Variants in SEZ6 observed in about 807,000 individuals in gnomAD.
The protein encoded by SEZ6 is seizure protein 6 homolog.
Under a neutral mutation model 101.0 loss-of-function variants are expected in SEZ6, and 53 were observed. The ratio of observed to expected loss-of-function variants is 0.52; its 90% CI spans 0.42 to 0.66. The LOEUF (loss-of-function observed/expected upper bound fraction) is 0.66. Ranked by LOEUF, SEZ6 falls within the 30% of genes least tolerant of loss-of-function variation. SEZ6 has a pLI of 0.00. For missense variants in SEZ6, 1,102 were observed against 1,289.4 expected, an observed-to-expected ratio of 0.85 and a Z score of 2.23; for synonymous variants, 488 against 512.2, an observed-to-expected ratio of 0.95 and a Z score of 0.64.
intron 10 of SEZ6, 118 bp from the exon 11 acceptor site, chr17:28,958,259 G>C: frequency 1.6e-6 from 2 of 1,212,266 alleles, no homozygotes; most frequent in Non-Finnish European, 2.3e-6. Flanking sequence ...TGTCCTGGGC[G>C]GGCTCAGGGA....
intron 3 of SEZ6, among the ~76,000 whole-genome samples, chr17:28,977,176 G>A (rs1000750046): frequency 1.3e-5 from 2 of 152,228 alleles, no homozygotes; most frequent in Non-Finnish European, 2.9e-5. Flanking sequence ...GTATTGTTGG[G>A]TAGTGTCAGA....
At chr17:28,988,787 G>A (rs1352888281) in intron 1 of SEZ6, among the ~76,000 whole-genome samples, 1 of 152,222 alleles carries the variant, frequency 6.6e-6, no homozygotes, top group Non-Finnish European at 1.5e-5. Context: ...ATGAGCCCTT[G>A]TAGCATCTCA....
intron 1 of SEZ6, among the ~76,000 whole-genome samples, chr17:28,989,228 G>T (rs771190584): frequency 6.6e-6 from 1 of 152,136 alleles, no homozygotes; most frequent in Admixed American, 6.5e-5. Context: ...CACATTCCAG[G>T]ATCTAGTGAA....
In SEZ6 at chr17:28,956,167, C is replaced by A. The variant is rs370146375; in HGVS notation, c.2944G>T (p.Glu982Ter). 4 of 1,589,678 alleles carry A rather than the reference C, an allele frequency of 2.5e-6. No homozygotes were observed. The highest frequency in any genetic ancestry group is 1.8e-5 in the Admixed American group (1 of 54,974). Residue 982 changes from glutamate to a stop codon, truncating the protein, a stop_gained, in exon 16 of 17, where the codon GAG becomes TAG. Coordinates refer to ENST00000317338, the MANE Select transcript of SEZ6 (RefSeq NM_178860.5). LOFTEE classifies it high-confidence loss of function. Reference sequence around the variant, plus strand: ...CTGGCATGGTTACTTACTCCAGTCTCGTAAGTTGGATTGTCAAACGCTGAC... The same window carrying A: ...CTGGCATGGTTACTTACTCCAGTCTAGTAAGTTGGATTGTCAAACGCTGAC... ...IESAFDNPTY[E>*]TGSLSFAGDE...
Position 28,956,166 on chromosome 17 carries a change from TCG to T in SEZ6, c.2943_2944del (p.Tyr981Ter). 6.7e-7 allele frequency: 1 copy of T among 1,488,122 alleles called. No homozygotes were observed. Among genetic ancestry groups the T allele is most frequent in the Non-Finnish European group, 9.1e-7 (1 of 1,104,672 alleles). 92.2% of individuals were successfully genotyped at this position (1,488,122 alleles called of 1,614,324 possible). ...GCTGGCATGGTTACTTACTCCAGTC[TCG>T]TAAGTTGGATTGTCAAACGCTGACT... is the stretch of plus-strand genomic sequence containing the variant. On this transcript the variant is annotated stop_gained and frameshift_variant, in exon 16 of 17. Transcript: ENST00000317338. LOFTEE classifies it high-confidence loss of function.
At chr17:28,996,968 G>A (rs771756751) in intron 1 of SEZ6, among the ~76,000 whole-genome samples, 16 of 152,180 alleles carry the variant, frequency 1.1e-4, no homozygotes, top group Admixed American at 7.2e-4. Context: ...AAGGGTCACC[G>A]GAGGCAGCAT....
At chr17:28,961,488 T>C (rs1243719653) in intron 5 of SEZ6, among the ~76,000 whole-genome samples, 1 of 152,006 alleles carries the variant, frequency 6.6e-6, no homozygotes, top group African/African-American at 2.4e-5. Context: ...GTGTTCAGCG[T>C]TGGTTGAATA....
rs1369162549 is a variant in SEZ6, at chr17:28,954,930, T to TC, written c.*1031dup. ...TTTTTTTTTTTTTTTTTTTTTTTTT[T>TC]CCAAAAACACCATTTTAATAAGGAA... On this transcript the variant is annotated 3_prime_UTR_variant, in exon 17 of 17. Transcript: ENST00000317338. The TC allele has an allele frequency of 8.3e-4, 106 of 127,744 alleles. No individual in the cohort carries two copies. The highest frequency in any genetic ancestry group is 1.5e-3 in the Non-Finnish European group (91 of 60,314). 7.9% of individuals were successfully genotyped at this position (127,744 alleles called of 1,614,324 possible). A position where few individuals can be genotyped will look rare whatever the true frequency, so the allele number is the denominator to read the frequency against.
chr17:28,983,161 G>C (rs2041334184), intron 1 of SEZ6, among the ~76,000 whole-genome samples: 1 of 152,222 alleles, frequency 6.6e-6, no homozygotes, highest in Non-Finnish European at 1.5e-5. Flanking sequence ...TGTGCCCTCA[G>C]GCAAATAACC....
At chr17:28,979,880 C>CGTGTGTGTGT (rs3052131) in intron 2 of SEZ6, 67 bp from the exon 3 acceptor site, 103 of 857,906 alleles carry the variant, frequency 1.2e-4, no homozygotes, top group African/African-American at 3.3e-4. Flanking sequence ...AAGGCTGAAC[C>CGTGTGTGTGT]GTGTGTGTGT....
intron 1 of SEZ6, among the ~76,000 whole-genome samples, chr17:29,002,459 G>T (rs754697268): frequency 6.6e-6 from 1 of 152,178 alleles, no homozygotes; most frequent in African/African-American, 2.4e-5. Flanking sequence ...CAGGATGGCC[G>T]CCAGGGCCTG....
chr17:28,957,828 T>C, intron 11 of SEZ6, 119 bp downstream of exon 11: 2 of 1,174,828 alleles, frequency 1.7e-6, no homozygotes, highest in South Asian at 3.1e-5. Context: ...ACTGAGGCTA[T>C]AAGAGGTGAA....
chr17:28,958,462 C>T (rs149932176), intron 10 of SEZ6, among the ~76,000 whole-genome samples: 10 of 152,168 alleles, frequency 6.6e-5, no homozygotes, highest in African/African-American at 2.2e-4. Context: ...AAGATAGAAG[C>T]CAGCACCTTT....
intron 1 of SEZ6, among the ~76,000 whole-genome samples, chr17:29,003,772 T>C (rs1484506686): frequency 6.6e-6 from 1 of 152,186 alleles, no homozygotes; most frequent in Non-Finnish European, 1.5e-5. Flanking sequence ...CGGGGCTGCC[T>C]CTTCGTCTCC....
At position 28,981,415 on chromosome 17, in the gene SEZ6, G is replaced by T. The variant is rs1175088255; in HGVS notation, c.680C>A (p.Thr227Asn). 3.2e-6 allele frequency: 5 copies of T among 1,554,962 alleles called. No individual in the cohort carries two copies. Among genetic ancestry groups the T allele is most frequent in the Admixed American group, 1.9e-5 (1 of 51,316 alleles). ...GATGGTGGTGGTGATGATGGTGGTG[G>T]TAGTGGTGGTCTCCTCATCATCTCC... Reference protein sequence around the residue: ...ASGDDEETTTTTTIITTTITT... With the variant: ...ASGDDEETTTNTTIITTTITT... Residue 227 changes from threonine (T) to asparagine (N), a missense_variant, in exon 2 of 17, where the codon ACC (threonine) becomes AAC (asparagine). By Grantham distance (65) the Thr-to-Asn change is moderately conservative. Coordinates refer to ENST00000317338, the MANE Select transcript of SEZ6 (RefSeq NM_178860.5).
intron 11 of SEZ6, 169 bp from the exon 12 acceptor site, chr17:28,957,708 A>C (rs1384023983): frequency 1.1e-6 from 1 of 888,322 alleles, no homozygotes; most frequent in East Asian, 2.7e-5. Context: ...TCCCCTTCCC[A>C]TCTATTAGGT....
At chr17:28,980,835 A>G (rs995583104) in intron 2 of SEZ6, among the ~76,000 whole-genome samples, 1 of 151,494 alleles carries the variant, frequency 6.6e-6, no homozygotes, top group Non-Finnish European at 1.5e-5. Context: ...CATTTTACAG[A>G]TGAGGCTCAG....
At position 28,987,113 on chromosome 17, in the gene SEZ6, T is replaced by TG. The variant is rs540683680; in HGVS notation, c.56-5075dup. Among the ~76,000 whole-genome samples, 68 of 152,346 alleles carry TG rather than the reference T, an allele frequency of 4.5e-4. No individual in the cohort carries two copies. In the South Asian group the frequency reaches 0.014, roughly 31 times the overall value. On this transcript the variant is annotated intron_variant, in intron 1 of 16. Coordinates refer to ENST00000317338, the MANE Select transcript of SEZ6 (RefSeq NM_178860.5). Reference sequence around the variant, plus strand: ...AGGGCGGGCAGGGGGCCCACTCCTCTGGGTTCCAGAGGTTAAGCTGGCCCA... The same window carrying TG: ...AGGGCGGGCAGGGGGCCCACTCCTCTGGGGTTCCAGAGGTTAAGCTGGCCCA...
In SEZ6 at chr17:28,991,820, G is replaced by A. The variant is rs941714052; in HGVS notation, c.56-9781C>T. Reference sequence around the variant, plus strand: ...TTCTTGTCATCCACCGATGAGGTTTGCTTCCCAAACTTGGCCGCGCACAGG... The same window carrying A: ...TTCTTGTCATCCACCGATGAGGTTTACTTCCCAAACTTGGCCGCGCACAGG... On this transcript the variant is annotated intron_variant, in intron 1 of 16. Transcript: ENST00000317338. Among the ~76,000 whole-genome samples the A allele has an allele frequency of 2.6e-5, 4 of 152,216 alleles. No homozygotes were observed. In the East Asian group the frequency reaches 7.7e-4, roughly 29 times the overall value.
Sources: allele counts gnomAD v4.1 joint callset (sites outside exome capture counted in the v4.1 genomes callset), GRCh38; gene constraint gnomAD v4.1.1; transcripts MANE v1.5; gene names NCBI Gene and HGNC (gene_info 2026-07-23, HGNC 2026-07-21).